The following FAF1 variants were observed in gnomAD, a reference collection of about 807,000 sequenced individuals.
FAF1 encodes FAS-associated factor 1.
In FAF1, 25 loss-of-function variants were observed where a neutral mutation model predicts 92.5. The ratio of observed to expected loss-of-function variants is 0.27; its 90% confidence interval spans 0.20 to 0.38. The LOEUF (loss-of-function observed/expected upper bound fraction) is 0.38. FAF1 is among the 10% of genes least tolerant of loss of function. FAF1 has a pLI of 1.00. For synonymous variants in FAF1, 234 were observed against 273.2 expected (o/e 0.86, Z 1.42); for missense variants, 636 against 793.3 (o/e 0.80, Z 2.38).
At chr1:50,724,298 C>T (rs866632383) in intron 6 of FAF1, among the ~76,000 whole-genome samples, 10 of 124,132 alleles carry the variant, frequency 8.1e-5, no homozygotes, top group East Asian at 5.0e-4. Context: ...CACACACATA[C>T]ACACACACAC....
At chr1:50,732,517 T>C (rs1176898440) in intron 6 of FAF1, among the ~76,000 whole-genome samples, 2 of 152,206 alleles carry the variant, frequency 1.3e-5, no homozygotes, top group African/African-American at 4.8e-5. Flanking sequence ...TCAATGCTAT[T>C]TGCCTTAAAT....
In FAF1 at chr1:50,475,622, C is replaced by T. The variant is rs1315916708; in HGVS notation, c.1711G>A (p.Glu571Lys). The T allele has an allele frequency of 1.2e-6, 2 of 1,614,088 alleles. No homozygotes were observed. The highest frequency in any genetic ancestry group is 1.7e-6 in the Non-Finnish European group (2 of 1,179,994). The change falls in exon 18 of 19, where the codon GAG becomes AAG. Residue 571 changes from glutamate to lysine, a missense_variant. Physicochemically the swap from Glu to Lys is moderately conservative, Grantham distance 56 (BLOSUM62 1). Transcript: ENST00000396153. ...LPPEPKEENA[E>K]PVSKLRIRTP... ...CGGATCCGCAGTTTGCTCACAGGCT[C>T]AGCATTTTCTTCCTTTGGCTCAGGA... is the stretch of plus-strand genomic sequence containing the variant.
intron 7 of FAF1, among the ~76,000 whole-genome samples, chr1:50,686,270 C>T (rs976397644): frequency 1.3e-5 from 2 of 152,024 alleles, no homozygotes; most frequent in Non-Finnish European, 2.9e-5. Context: ...AAGCTGGGCC[C>T]GGTGGCTCAT....
At chr1:50,729,254 C>T (rs766017536) in intron 6 of FAF1, among the ~76,000 whole-genome samples, 1 of 150,920 alleles carries the variant, frequency 6.6e-6, no homozygotes, top group Non-Finnish European at 1.5e-5. Context: ...GGGGTTTCTC[C>T]ATTTTGAACA....
At chr1:50,752,835 G>A (rs936006521) in intron 4 of FAF1, among the ~76,000 whole-genome samples, 13 of 151,756 alleles carry the variant, frequency 8.6e-5, no homozygotes, top group Middle Eastern at 3.4e-3. Flanking sequence ...GGTACACACC[G>A]CCACACCTGG....
intron 15 of FAF1, among the ~76,000 whole-genome samples, chr1:50,502,402 C>T (rs770210377): frequency 1.4e-4 from 21 of 152,262 alleles, no homozygotes; most frequent in Middle Eastern, 3.4e-3. Context: ...TAGCTTAGCC[C>T]GCTTGATTTT....
chr1:50,443,533 A>G (rs529875894), intron 18 of FAF1, among the ~76,000 whole-genome samples: 1 of 152,364 alleles, frequency 6.6e-6, no homozygotes, highest in Non-Finnish European at 1.5e-5. Context: ...CATATGGTTA[A>G]TAAGTGTCTA....
intron 4 of FAF1, among the ~76,000 whole-genome samples, chr1:50,771,207 C>T (rs1411607109): frequency 6.6e-6 from 1 of 152,108 alleles, no homozygotes; most frequent in African/African-American, 2.4e-5. Context: ...GATTTCATAA[C>T]AAAGACATCA....
chr1:50,554,390 T>TAGAGAGAGAG lies in FAF1; in HGVS notation c.1268+12677_1268+12686dup, dbSNP rs34360366. 2.6e-3 allele frequency among the ~76,000 whole-genome samples: 240 copies of TAGAGAGAGAG among 93,658 alleles called. 4 individuals carry two copies. The highest frequency in any genetic ancestry group is 6.9e-3 in the African/African-American group (146 of 21,144). 61.4% of individuals were successfully genotyped at this position (93,658 alleles called of 152,430 possible). On this transcript the variant is annotated intron_variant, in intron 13 of 18. Transcript: ENST00000396153. ...ATATATATATATATATATATATATA[T>TAGAGAGAGAG]AGAGAGAGAGAGAGAGAGAGAGAGA... is the stretch of plus-strand genomic sequence containing the variant.
At position 50,453,297 on chromosome 1, in the gene FAF1, T is replaced by G. The variant is rs548610728; in HGVS notation, c.1870-11774A>C. 7.9e-5 allele frequency among the ~76,000 whole-genome samples: 12 copies of G among 152,330 alleles called. No individual in the cohort carries two copies. In the South Asian group the frequency reaches 1.9e-3, roughly 24 times the overall value. ...TGGGCTAGGGAGAAAGTGAGCATTT[T>G]GAATGAATTTTAATATCCAAGCAGG... is the stretch of plus-strand genomic sequence containing the variant. On this transcript the variant is annotated intron_variant, in intron 18 of 18. Transcript: ENST00000396153.
rs1646139129 is a variant in FAF1 at position 50,437,692 on chromosome 1, T to G, written c.*3748A>C. 1 of 152,148 alleles carries G rather than the reference T, an allele frequency of 6.6e-6. No individual in the cohort carries two copies. The highest frequency in any genetic ancestry group is 2.1e-4 in the South Asian group (1 of 4,816). The allele number at this position is 152,148 out of a possible 1,614,324, so 9.4% of individuals were successfully genotyped here. A position where few individuals can be genotyped will look rare whatever the true frequency, so the allele number is the denominator to read the frequency against. On this transcript the variant is annotated 3_prime_UTR_variant, in exon 19 of 19. Coordinates refer to ENST00000396153, the MANE Select transcript of FAF1 (RefSeq NM_007051.3). Reference sequence around the variant, plus strand: ...TGATGTTTAACTTTTTATGTACAACTGTAGAGGATTCCAAGATCCGTTCTT... The same window carrying G: ...TGATGTTTAACTTTTTATGTACAACGGTAGAGGATTCCAAGATCCGTTCTT...
intron 9 of FAF1, among the ~76,000 whole-genome samples, chr1:50,589,786 T>C (rs898032387): frequency 1.3e-5 from 2 of 152,220 alleles, no homozygotes; most frequent in African/African-American, 4.8e-5. Flanking sequence ...CCCTATGTTT[T>C]CTTTTAACAG....
At chr1:50,929,972 T>A (rs1645035911) in intron 1 of FAF1, among the ~76,000 whole-genome samples, 2 of 152,222 alleles carry the variant, frequency 1.3e-5, no homozygotes, top group South Asian at 4.1e-4. Flanking sequence ...ATTTATCGCA[T>A]AAAGAATTAA....
Position 50,738,968 on chromosome 1 carries a change from A to C in FAF1, c.460-14T>G. On this transcript the variant is annotated splice_polypyrimidine_tract_variant and intron_variant, in intron 5 of 18. Coordinates refer to ENST00000396153, the MANE Select transcript of FAF1 (RefSeq NM_007051.3). Reference sequence around the variant, plus strand: ...TTTTAGGACCGTCTGAAAAAGAAAAAACACAGCAAAAAATGAATGTTGATG... The same window carrying C: ...TTTTAGGACCGTCTGAAAAAGAAAACACACAGCAAAAAATGAATGTTGATG... The C allele has an allele frequency of 6.8e-7, 1 of 1,472,458 alleles. No homozygotes were observed. Among genetic ancestry groups the C allele is most frequent in the Non-Finnish European group, 9.4e-7 (1 of 1,067,262 alleles). The allele number at this position is 1,472,458 out of a possible 1,614,324, so 91.2% of individuals were successfully genotyped here.
At position 50,484,985 on chromosome 1, in the gene FAF1, T is replaced by TA. The variant is rs1366653261; in HGVS notation, c.1653+5602dup. ...TGGGGGGAGGGAGGAGGGATAGCAT[T>TA]AGGAGATATACCTAATGTAAATGAC... On this transcript the variant is annotated intron_variant, in intron 17 of 18. Transcript: ENST00000396153. 3.0e-4 allele frequency among the ~76,000 whole-genome samples: 45 copies of TA among 148,174 alleles called. 1 individual carries two copies. The highest frequency in any genetic ancestry group is 1.1e-3 in the African/African-American group (44 of 40,514).
At chr1:50,677,976 C>T (rs1361202300) in intron 7 of FAF1, among the ~76,000 whole-genome samples, 1 of 149,078 alleles carries the variant, frequency 6.7e-6, no homozygotes, top group African/African-American at 2.5e-5. Context: ...ATTCTATTTA[C>T]AAAAATGGTG....
intron 4 of FAF1, among the ~76,000 whole-genome samples, chr1:50,779,991 G>GACACAC (rs57528056): frequency 0.01 from 1,516 of 145,518 alleles, 20 homozygotes; most frequent in African/African-American, 0.034. Flanking sequence ...CAGACAGACA[G>GACACAC]ACACACACAC....
chr1:50,830,677 C>A (rs934004480), intron 2 of FAF1, among the ~76,000 whole-genome samples: 1 of 147,008 alleles, frequency 6.8e-6, no homozygotes, highest in African/African-American at 2.5e-5. Context: ...TTTTTTTTAC[C>A]AACTCCAATG....
intron 13 of FAF1, among the ~76,000 whole-genome samples, chr1:50,561,432 G>T (rs1649893504): frequency 6.6e-6 from 1 of 152,150 alleles, no homozygotes; most frequent in Non-Finnish European, 1.5e-5. Flanking sequence ...GAATGTAGCT[G>T]TATTTCCAAT....
Sources: allele counts gnomAD v4.1 joint callset (sites outside exome capture counted in the v4.1 genomes callset), GRCh38; gene constraint gnomAD v4.1.1; transcripts MANE v1.5; gene names NCBI Gene and HGNC (gene_info 2026-07-23, HGNC 2026-07-21).